Variants in CTNNA3 observed in about 807,000 individuals in gnomAD.
CTNNA3 encodes catenin alpha 3.
Under a neutral mutation model 95.7 loss-of-function variants are expected in CTNNA3, and 76 were observed. The ratio of observed to expected loss-of-function variants is 0.79; its 90% CI spans 0.66 to 0.96. The LOEUF is 0.96. CTNNA3 is among the 40% of genes least tolerant of loss of function. The pLI is 0.00. For missense variants in CTNNA3, 1,191 were observed against 1,089.8 expected, an observed-to-expected ratio of 1.09 and a Z score of -1.31; for synonymous variants, 431 against 374.4, an observed-to-expected ratio of 1.15 and a Z score of -1.74.
At chr10:67,328,963 T>C (rs1841669454) in intron 5 of CTNNA3, among the ~76,000 whole-genome samples, 1 of 152,240 alleles carries the variant, frequency 6.6e-6, no homozygotes, top group South Asian at 2.1e-4. Context: ...TAATATTAAA[T>C]ATCAGAATTC....
Position 66,927,018 on chromosome 10 carries a change from C to G in CTNNA3, c.1048-151494G>C. 1 of 1,614,102 alleles carries G rather than the reference C, an allele frequency of 6.2e-7. No homozygotes were observed. Among genetic ancestry groups the G allele is most frequent in the Non-Finnish European group, 8.5e-7 (1 of 1,180,020 alleles). ...TGCTTTCTTCTGCCGAACGAGGATGCCCTAAGGGCTGTAGGTGTGAAGGCA... is the reference window on the plus strand; with the variant it reads ...TGCTTTCTTCTGCCGAACGAGGATGGCCTAAGGGCTGTAGGTGTGAAGGCA... On this transcript the variant is annotated intron_variant, in intron 7 of 17. Transcript: ENST00000433211. This position sits in a 1 kb window ranked among gnomAD's most constrained non-coding sequence, Gnocchi z 4.7.
chr10:66,652,890 T>C (rs1301651549), intron 9 of CTNNA3, among the ~76,000 whole-genome samples: 2 of 152,020 alleles, frequency 1.3e-5, no homozygotes, highest in African/African-American at 2.4e-5. Context: ...GACAGAAAAA[T>C]ATGATCATGT....
At chr10:67,019,657 G>C (rs900999320) in intron 7 of CTNNA3, among the ~76,000 whole-genome samples, 1 of 152,160 alleles carries the variant, frequency 6.6e-6, no homozygotes, top group African/African-American at 2.4e-5. Flanking sequence ...TGATATAGCT[G>C]GGGCTCAAAG....
At chr10:66,099,755 T>A (rs1420429442) in intron 14 of CTNNA3, among the ~76,000 whole-genome samples, 4 of 152,176 alleles carry the variant, frequency 2.6e-5, no homozygotes. Context: ...AGCTGTGACA[T>A]CCTTTGCTCT....
intron 7 of CTNNA3, among the ~76,000 whole-genome samples, chr10:67,149,154 T>C (rs1044931164): frequency 2.0e-5 from 3 of 152,220 alleles, no homozygotes; most frequent in African/African-American, 7.2e-5. Flanking sequence ...GCAGTCATGA[T>C]GCTTACTTAT....
intron 7 of CTNNA3, among the ~76,000 whole-genome samples, chr10:66,976,467 C>T (rs551464181): frequency 3.1e-4 from 47 of 152,234 alleles, no homozygotes; most frequent in African/African-American, 1.1e-3. Context: ...ATCTCTTTTT[C>T]TATAGATTAC....
chr10:66,868,313 C>T (rs140757604), intron 7 of CTNNA3, among the ~76,000 whole-genome samples: 9,636 of 150,942 alleles, frequency 0.064, 357 homozygotes, highest in African/African-American at 0.083. Flanking sequence ...TGCAGTGAAC[C>T]GAGATCGCGC....
chr10:66,343,317 A>G (rs1305644278), intron 12 of CTNNA3, among the ~76,000 whole-genome samples: 1 of 152,150 alleles, frequency 6.6e-6, no homozygotes, highest in East Asian at 1.9e-4. Context: ...AAGACATGAA[A>G]TCAACCTAGG....
At chr10:67,658,498 C>T (rs1223350216) in intron 1 of CTNNA3, among the ~76,000 whole-genome samples, 1 of 152,148 alleles carries the variant, frequency 6.6e-6, no homozygotes. Flanking sequence ...GACTTTAAAA[C>T]AAAGCTTCCC....
chr10:66,067,019 T>C (rs1253029791), intron 15 of CTNNA3, among the ~76,000 whole-genome samples: 1 of 151,966 alleles, frequency 6.6e-6, no homozygotes, highest in African/African-American at 2.4e-5. Flanking sequence ...TACGCCAAAA[T>C]GAAGGACTTA....
intron 5 of CTNNA3, among the ~76,000 whole-genome samples, chr10:67,347,194 C>A (rs1041044085): frequency 2.6e-5 from 4 of 151,886 alleles, no homozygotes; most frequent in African/African-American, 9.7e-5. Flanking sequence ...GGACTATGGG[C>A]ATGAGCCACC....
At chr10:67,232,944 T>A (rs1865288302) in intron 5 of CTNNA3, among the ~76,000 whole-genome samples, 1 of 152,100 alleles carries the variant, frequency 6.6e-6, no homozygotes, top group Non-Finnish European at 1.5e-5. Context: ...AGGGATCAAT[T>A]CAACAAGAAG....
At chr10:65,985,158 A>T (rs2078402441) in intron 16 of CTNNA3, among the ~76,000 whole-genome samples, 1 of 151,072 alleles carries the variant, frequency 6.6e-6, no homozygotes, top group East Asian at 1.9e-4. Flanking sequence ...TTCATTTTCC[A>T]AGAGAGTATA....
intron 11 of CTNNA3, among the ~76,000 whole-genome samples, chr10:66,448,451 G>C (rs1220394622): frequency 1.3e-5 from 2 of 152,248 alleles, no homozygotes; most frequent in African/African-American, 4.8e-5. Flanking sequence ...CGATAGACTG[G>C]ATTAAGAAAA....
At chr10:67,200,991 C>G (rs567569807) in intron 6 of CTNNA3, among the ~76,000 whole-genome samples, 51 of 152,292 alleles carry the variant, frequency 3.3e-4, no homozygotes, top group African/African-American at 1.2e-3. Flanking sequence ...GATGCTCTCT[C>G]TGTCTCTGGG....
chr10:66,116,753 G>A (rs2133801694), intron 13 of CTNNA3, among the ~76,000 whole-genome samples: 1 of 152,236 alleles, frequency 6.6e-6, no homozygotes, highest in Middle Eastern at 3.4e-3. Context: ...CATGGCTGGG[G>A]AGGCCTCAGG....
intron 11 of CTNNA3, among the ~76,000 whole-genome samples, chr10:66,420,648 A>C (rs562341080): frequency 2.6e-5 from 4 of 151,994 alleles, no homozygotes; most frequent in African/African-American, 4.8e-5. Context: ...AAAATACAAA[A>C]ATTAGCCGGG....
chr10:67,372,754 C>G (rs1188289152), intron 5 of CTNNA3, among the ~76,000 whole-genome samples: 3 of 152,150 alleles, frequency 2.0e-5, no homozygotes, highest in African/African-American at 7.2e-5. Context: ...CAAAGGGAAG[C>G]CCATCAGACT....
intron 11 of CTNNA3, among the ~76,000 whole-genome samples, chr10:66,438,276 A>G (rs1038388481): frequency 6.6e-6 from 1 of 152,216 alleles, no homozygotes; most frequent in African/African-American, 2.4e-5. Flanking sequence ...GAAACGTTTA[A>G]GTCTGGTGAA....
Sources: allele counts gnomAD v4.1 joint callset (sites outside exome capture counted in the v4.1 genomes callset), GRCh38; gene constraint gnomAD v4.1.1; non-coding constraint Gnocchi (gnomAD v3.1); transcripts MANE v1.5; gene names NCBI Gene and HGNC (gene_info 2026-07-23, HGNC 2026-07-21).